Variants in TRIOBP observed in about 807,000 individuals in gnomAD.
The protein encoded by TRIOBP is TRIO and F-actin-binding protein.
Under a neutral mutation model 238.8 loss-of-function variants are expected in TRIOBP, and 169 were observed. The observed-to-expected ratio is 0.71, with a 90% CI of 0.62 to 0.80. The LOEUF is 0.80. Among genes scored for constraint, TRIOBP ranks in the 30% least tolerant of loss-of-function variants. The probability of loss-of-function intolerance (pLI) is 0.00; values close to 1 mark genes in which losing one functional copy is unlikely to be tolerated. For missense variants in TRIOBP, 2,838 were observed against 3,122.6 expected, an observed-to-expected ratio of 0.91 and a Z score of 2.17; for synonymous variants, 1,150 against 1,274.4, an observed-to-expected ratio of 0.90 and a Z score of 2.08.
In TRIOBP at chr22:37,710,526, C is replaced by T. The variant is rs1923182703; in HGVS notation, c.214C>T (p.Gln72Ter). Residue 72 changes from glutamine (Q) to a stop codon, truncating the protein, a stop_gained, in exon 4 of 24, where the codon CAG becomes TAG. Transcript: ENST00000644935. LOFTEE classifies it high-confidence loss of function. ...DPLSASTSGCQSVVDPGLRPG... is the reference protein window; with the variant it reads ...DPLSASTSGC ...ACTCAGCGCCTCAACCTCCGGCTGC[C>T]AGTCTGTGGTGGACCCAGGCCTCAG... is the stretch of plus-strand genomic sequence containing the variant. 6.2e-7 allele frequency: 1 copy of T among 1,612,090 alleles called. No individual in the cohort carries two copies. Among genetic ancestry groups the T allele is most frequent in the African/African-American group, 1.3e-5 (1 of 74,928 alleles).
chr22:37,769,237 C>G, intron 20 of TRIOBP, 25 bp from the exon 21 acceptor site: 2 of 1,605,766 alleles, frequency 1.2e-6, no homozygotes, highest in Non-Finnish European at 1.7e-6. Flanking sequence ...CGGCACCCCT[C>G]CCCTGACCAC....
In TRIOBP at chr22:37,725,135, A is replaced by G. The variant is rs1924064650; in HGVS notation, c.2579A>G (p.Gln860Arg). The change falls in exon 7 of 24, where the codon CAA (glutamine) becomes CGA (arginine). Residue 860 changes from glutamine (Q) to arginine (R), a missense_variant. This residue lies in a region of TRIOBP where 2,096 missense variants were observed against 2,137.4 expected (regional missense o/e 0.98). Transcript: ENST00000644935. Reference sequence around the variant, plus strand: ...GACCGCACACAGTCCTTTTCCTTTCAACGAGACAACCCTGGAACCTCCTCA... The same window carrying G: ...GACCGCACACAGTCCTTTTCCTTTCGACGAGACAACCCTGGAACCTCCTCA... ...QRDRTQSFSF[Q>R]RDNPGTSSSQ... 6.2e-7 allele frequency: 1 copy of G among 1,613,916 alleles called. No individual in the cohort carries two copies. The highest frequency in any genetic ancestry group is 1.3e-5 in the African/African-American group (1 of 74,876).
In TRIOBP at chr22:37,713,393, C is replaced by G. The variant is rs771308987; in HGVS notation, c.438C>G (p.Thr146=). ...CTGACTCCGCCACCCCTGATGATACCAGCAACTCGTCCTCTGTGGTGAGCC... is the reference window on the plus strand; with the variant it reads ...CTGACTCCGCCACCCCTGATGATACGAGCAACTCGTCCTCTGTGGTGAGCC... ...SSPDSATPDD[T]SNSSSVDWDT... The change falls in exon 5 of 24, where the codon ACC becomes ACG. Residue 146 remains threonine, a synonymous_variant. Transcript: ENST00000644935. 1 of 1,613,426 alleles carries G rather than the reference C, an allele frequency of 6.2e-7. No homozygotes were observed. Among genetic ancestry groups the G allele is most frequent in the African/African-American group, 1.3e-5 (1 of 74,934 alleles).
chr22:37,711,202 A>C (rs1053442970), intron 4 of TRIOBP, among the ~76,000 whole-genome samples: 2 of 152,232 alleles, frequency 1.3e-5, no homozygotes, highest in Non-Finnish European at 2.9e-5. Context: ...TCTCTGTAAA[A>C]TAAGAGGGAT....
At chr22:37,765,594 C>T in intron 17 of TRIOBP, 76 bp from the exon 18 acceptor site, 1 of 1,541,744 alleles carries the variant, frequency 6.5e-7, no homozygotes, top group Non-Finnish European at 8.7e-7. Flanking sequence ...CCTGAGCCTT[C>T]TCCTCTGGAG....
At chr22:37,711,743 T>G (rs1923259389) in intron 4 of TRIOBP, among the ~76,000 whole-genome samples, 1 of 152,176 alleles carries the variant, frequency 6.6e-6, no homozygotes, top group African/African-American at 2.4e-5. Context: ...CTTGCCTGCG[T>G]GCATCGTGGC....
rs201366345 is a variant in TRIOBP at position 37,725,925 on chromosome 22, C to T, written c.3369C>T (p.Ser1123=). The stretch of plus-strand genomic sequence containing the variant: ...GGTACCGAGATGCACCCCGGGCCTC[C>T]TCCCCACCACGCCAGGCCCCAGAGC... ...CIGYRDAPRA[S]SPPRQAPEPS... Residue 1123 remains serine, a synonymous_variant, in exon 7 of 24, where the codon TCC becomes TCT. Coordinates refer to ENST00000644935, the MANE Select transcript of TRIOBP (RefSeq NM_001039141.3). The T allele has an allele frequency of 7.3e-5, 118 of 1,613,774 alleles. 1 individual carries two copies. In the Admixed American group the frequency reaches 1.6e-3, roughly 22 times the overall value.
At chr22:37,713,524 C>A in intron 5 of TRIOBP, 113 bp downstream of exon 5, 2 of 1,354,512 alleles carry the variant, frequency 1.5e-6, no homozygotes, top group Non-Finnish European at 2.1e-6. Flanking sequence ...GGGAATCCGA[C>A]GAGGTCCTCT....
rs758303230 is a variant in TRIOBP at position 37,700,661 on chromosome 22, C to T, written c.-60-645C>T. On this transcript the variant is annotated intron_variant, in intron 2 of 23. Transcript: ENST00000644935. ...GAACTCTTGGGCTCAAATGATCCGC[C>T]GCCCGCAATGGGCCCAGCTGGAATC... is the stretch of plus-strand genomic sequence containing the variant. 3.0e-4 allele frequency among the ~76,000 whole-genome samples: 45 copies of T among 152,042 alleles called. 1 individual carries two copies. The highest frequency in any genetic ancestry group is 6.8e-3 in the Middle Eastern group (2 of 294).
In TRIOBP at chr22:37,769,264, G is replaced by A. The variant is rs758252692; in HGVS notation, c.6738G>A (p.Glu2246=). Residue 2246 remains glutamate, a splice_region_variant and synonymous_variant, in exon 21 of 24, where the codon GAG becomes GAA. Coordinates refer to ENST00000644935, the MANE Select transcript of TRIOBP (RefSeq NM_001039141.3). ...EGQELLRHNQ[E]LHGRLSEEID... is the part of the protein sequence containing the mutation. ...CCTGACCACCGTGCCTCTCCCAGGAGCTGCATGGCCGCCTGTCAGAGGAGA... is the reference window on the plus strand; with the variant it reads ...CCTGACCACCGTGCCTCTCCCAGGAACTGCATGGCCGCCTGTCAGAGGAGA... 1.8e-5 allele frequency: 29 copies of A among 1,610,244 alleles called. No individual in the cohort carries two copies. The highest frequency in any genetic ancestry group is 2.5e-5 in the Non-Finnish European group (29 of 1,178,874).
chr22:37,729,672 T>G (rs539173437), intron 7 of TRIOBP, among the ~76,000 whole-genome samples: 26 of 152,336 alleles, frequency 1.7e-4, no homozygotes, highest in African/African-American at 6.3e-4. Context: ...ATGTTTACAC[T>G]TTTATTAACC....
chr22:37,720,345 C>T (rs1199343291), intron 6 of TRIOBP, among the ~76,000 whole-genome samples: 1 of 152,068 alleles, frequency 6.6e-6, no homozygotes, highest in African/African-American at 2.4e-5. Context: ...AACTAAGCTA[C>T]AGACGTGATG....
intron 21 of TRIOBP, among the ~76,000 whole-genome samples, chr22:37,770,875 G>T (rs1000435582): frequency 6.6e-6 from 1 of 151,016 alleles, no homozygotes; most frequent in Non-Finnish European, 1.5e-5. Flanking sequence ...GTAGAGACGG[G>T]GTTTCACCAT....
chr22:37,734,979 C>G lies in TRIOBP; in HGVS notation c.4643C>G (p.Pro1548Arg), dbSNP rs78894866. ...GWGAEGACPY[P>R]RGSERRPELD... ...GGGGCAGAGGGAGCGTGTCCATACC[C>G]GCGTGGCTCTGAGAGGCGACCCGAG... Residue 1548 changes from proline to arginine, a missense_variant, in exon 9 of 24, where the codon CCG becomes CGG. Physicochemically the swap from Pro to Arg is moderately radical, Grantham distance 103. Transcript: ENST00000644935. The G allele has an allele frequency of 4.3e-5, 70 of 1,613,342 alleles. No individual in the cohort carries two copies. Among genetic ancestry groups the G allele is most frequent in the Non-Finnish European group, 5.8e-5 (68 of 1,179,972 alleles).
At chr22:37,759,068 G>T in intron 16 of TRIOBP, 86 bp from the exon 17 acceptor site, 1 of 1,120,888 alleles carries the variant, frequency 8.9e-7, no homozygotes, top group South Asian at 1.3e-5. Flanking sequence ...TATCCGTGTG[G>T]AGCTGGAAGC....
chr22:37,713,105 AGCG>A, intron 4 of TRIOBP, 102 bp from the exon 5 acceptor site: 1 of 1,014,732 alleles, frequency 9.9e-7, no homozygotes, highest in South Asian at 1.5e-5. Context: ...TTCCCACACC[AGCG>A]TGTGGGCCCC....
At chr22:37,771,797 T>C (rs756591085) in intron 22 of TRIOBP, 61 bp downstream of exon 22, 3 of 1,451,710 alleles carry the variant, frequency 2.1e-6, no homozygotes, top group Non-Finnish European at 2.9e-6. Context: ...GATGCCATCC[T>C]GTGAGCACCT....
At chr22:37,760,647 C>T (rs990600380) in intron 17 of TRIOBP, among the ~76,000 whole-genome samples, 1 of 152,154 alleles carries the variant, frequency 6.6e-6, no homozygotes, top group Non-Finnish European at 1.5e-5. Flanking sequence ...ATTTGACAAT[C>T]AGCTGTCTGT....
At chr22:37,713,014 A>G (rs1923336878) in intron 4 of TRIOBP, among the ~76,000 whole-genome samples, 196 bp from the exon 5 acceptor site, 1 of 151,680 alleles carries the variant, frequency 6.6e-6, no homozygotes, top group Non-Finnish European at 1.5e-5. Flanking sequence ...ATTACAAAAA[A>G]AAAAGGGATG....
Sources: gnomAD v4.1 joint callset for allele counts (sites outside exome capture counted in the v4.1 genomes callset) on GRCh38, gnomAD v4.1.1 for gene constraint, gnomAD v4.1.1 regional missense constraint, MANE v1.5 for transcripts, NCBI Gene and HGNC (gene_info 2026-07-23, HGNC 2026-07-21) for gene names.